The following ASIC2 variants were observed in gnomAD, a reference collection of about 807,000 sequenced individuals.
ASIC2 encodes the protein acid-sensing ion channel 2.
In ASIC2, 25 loss-of-function variants were observed where a neutral mutation model predicts 57.3. The ratio of observed to expected loss-of-function variants is 0.44; its 90% confidence interval spans 0.32 to 0.61. ASIC2 has a LOEUF of 0.61. ASIC2 is among the 20% of genes least tolerant of loss of function. ASIC2 has a pLI of 0.06. For synonymous variants in ASIC2, 319 were observed against 307.5 expected (o/e 1.04, Z -0.39); for missense variants, 641 against 738.1 (o/e 0.87, Z 1.52).
At chr17:33,255,928 C>T (rs917418294) in intron 1 of ASIC2, among the ~76,000 whole-genome samples, 17 of 152,144 alleles carry the variant, frequency 1.1e-4, no homozygotes, top group Non-Finnish European at 1.3e-4. Flanking sequence ...AATATACCCT[C>T]TACCTAAGTC....
chr17:33,519,822 G>T (rs1052159627), intron 1 of ASIC2, among the ~76,000 whole-genome samples: 2 of 152,214 alleles, frequency 1.3e-5, no homozygotes, highest in African/African-American at 4.8e-5. Context: ...GCAGGTTGCT[G>T]TAACCGAGAG....
At chr17:34,124,896 A>G (rs773839462) in intron 1 of ASIC2, among the ~76,000 whole-genome samples, 1 of 151,956 alleles carries the variant, frequency 6.6e-6, no homozygotes, top group Non-Finnish European at 1.5e-5. Context: ...TAGGCTTTCA[A>G]GATACAAATT....
intron 1 of ASIC2, among the ~76,000 whole-genome samples, chr17:33,424,074 G>A (rs1911134140): frequency 6.6e-6 from 1 of 152,160 alleles, no homozygotes; most frequent in South Asian, 2.1e-4. Context: ...TTGGGGGGCT[G>A]GCATCATCTC....
At chr17:33,230,070 C>T (rs993497607) in intron 1 of ASIC2, among the ~76,000 whole-genome samples, 10 of 152,214 alleles carry the variant, frequency 6.6e-5, no homozygotes, top group Admixed American at 5.9e-4. Flanking sequence ...CCCTGCATCC[C>T]AGGTGAGACC....
chr17:33,523,570 C>A (rs1365238229), intron 1 of ASIC2, among the ~76,000 whole-genome samples: 1 of 152,186 alleles, frequency 6.6e-6, no homozygotes, highest in Non-Finnish European at 1.5e-5. Flanking sequence ...GATCATAAAA[C>A]CTCCTGCAGA....
rs148926357 is a variant in ASIC2 at position 34,135,368 on chromosome 17, C to T, written c.555+20610G>A. On this transcript the variant is annotated intron_variant, in intron 1 of 9. Transcript: ENST00000359872. The stretch of plus-strand genomic sequence containing the variant: ...GGACCAAGTCTAGGGCTAGCATCTT[C>T]GTAGGAGAAGATCAGTCAGCAAACC... Among the ~76,000 whole-genome samples, 882 of 152,300 alleles carry T rather than the reference C, an allele frequency of 5.8e-3. 4 individuals are homozygous for T. Among genetic ancestry groups the T allele is most frequent in the Non-Finnish European group, 8.4e-3 (568 of 68,018 alleles).
At chr17:33,186,330 C>T (rs1299664118) in intron 1 of ASIC2, among the ~76,000 whole-genome samples, 3 of 152,086 alleles carry the variant, frequency 2.0e-5, no homozygotes, top group Non-Finnish European at 4.4e-5. Flanking sequence ...AGGCTGGTCT[C>T]GAATTCTTGA....
At chr17:33,438,928 A>C (rs2141982897) in intron 1 of ASIC2, among the ~76,000 whole-genome samples, 1 of 149,326 alleles carries the variant, frequency 6.7e-6, no homozygotes, top group Admixed American at 6.8e-5. Flanking sequence ...CTGCAGCCTC[A>C]ACTTTCTGGT....
chr17:33,103,952 C>T (rs1460037896), intron 2 of ASIC2, among the ~76,000 whole-genome samples: 2 of 152,134 alleles, frequency 1.3e-5, no homozygotes, highest in Admixed American at 1.3e-4. Flanking sequence ...GTTTTACCTC[C>T]ACCTCTCAAA....
At chr17:33,330,447 C>A (rs1040548053) in intron 1 of ASIC2, among the ~76,000 whole-genome samples, 11 of 152,148 alleles carry the variant, frequency 7.2e-5, no homozygotes, top group African/African-American at 2.2e-4. Flanking sequence ...GTGTATTGAG[C>A]CAGTCTCTGT....
At chr17:33,230,933 T>C (rs144670096) in intron 1 of ASIC2, among the ~76,000 whole-genome samples, 7 of 152,302 alleles carry the variant, frequency 4.6e-5, no homozygotes, top group Non-Finnish European at 8.8e-5. Flanking sequence ...ATTTAAAAAT[T>C]ATTGATTTGT....
At chr17:34,109,944 T>C (rs1014536836) in intron 1 of ASIC2, among the ~76,000 whole-genome samples, 1 of 150,938 alleles carries the variant, frequency 6.6e-6, no homozygotes, top group African/African-American at 2.4e-5. Flanking sequence ...GTGTGTGTGT[T>C]TGTGTGTGTG....
At chr17:33,841,248 G>A (rs150658988) in intron 1 of ASIC2, among the ~76,000 whole-genome samples, 103 of 152,356 alleles carry the variant, frequency 6.8e-4, no homozygotes, top group Middle Eastern at 3.4e-3. Flanking sequence ...GGCAAGTCGG[G>A]GAAGGTGTAG....
chr17:33,161,762 T>TC (rs1905166743), intron 1 of ASIC2, among the ~76,000 whole-genome samples: 1 of 150,954 alleles, frequency 6.6e-6, no homozygotes, highest in South Asian at 2.1e-4. Flanking sequence ...CTCACTAGGA[T>TC]CCCAGGAGGT....
Position 33,779,233 on chromosome 17 carries a change from G to A in ASIC2, c.555+376745C>T, listed in dbSNP as rs531421485. Among the ~76,000 whole-genome samples, 7 of 152,186 alleles carry A rather than the reference G, an allele frequency of 4.6e-5. No homozygotes were observed. In the East Asian group the frequency reaches 1.4e-3, roughly 29 times the overall value. On this transcript the variant is annotated intron_variant, in intron 1 of 9. Coordinates refer to the ASIC2 transcript ENST00000359872. ...TTTGAACCTCTTAGAATTCTGTTAA[G>A]TTCTGTTGTTCCTTAAAAAAAAGAT...
chr17:33,760,521 T>A (rs1910747798), intron 1 of ASIC2, among the ~76,000 whole-genome samples: 1 of 149,006 alleles, frequency 6.7e-6, no homozygotes, highest in Non-Finnish European at 1.5e-5. Context: ...AAGCTATATA[T>A]GTGTGTGTGT....
At chr17:33,859,131 A>T (rs546423944) in intron 1 of ASIC2, among the ~76,000 whole-genome samples, 1 of 152,366 alleles carries the variant, frequency 6.6e-6, no homozygotes, top group South Asian at 2.1e-4. Context: ...AATAATTTAA[A>T]GCAGCATGAA....
chr17:33,444,608 G>GAATGGGCAAGTGTTAGGGT (rs1555609100), intron 1 of ASIC2, among the ~76,000 whole-genome samples: 3 of 151,850 alleles, frequency 2.0e-5, no homozygotes, highest in Non-Finnish European at 2.9e-5. Flanking sequence ...GTTGCCTGGG[G>GAATGGGCAAGTGTTAGGGT]AGTGGGCAAG....
chr17:33,205,295 T>C (rs980806093), intron 1 of ASIC2, among the ~76,000 whole-genome samples: 1 of 152,190 alleles, frequency 6.6e-6, no homozygotes, highest in South Asian at 2.1e-4. Context: ...AATAAGCCCC[T>C]GCCTTGTGCC....
Sources: allele counts gnomAD v4.1 joint callset (sites outside exome capture counted in the v4.1 genomes callset), GRCh38; gene constraint gnomAD v4.1.1; transcripts MANE v1.5; gene names NCBI Gene and HGNC (gene_info 2026-07-23, HGNC 2026-07-21).